TMEM135: variants seen among roughly 807,000 people sequenced by gnomAD.
TMEM135 encodes the protein transmembrane protein 135, also known as peroxisomal membrane protein 52.
Under a neutral mutation model 60.3 loss-of-function variants are expected in TMEM135, and 30 were observed. The ratio of observed to expected loss-of-function variants is 0.50; its 90% CI spans 0.37 to 0.68. TMEM135 has a LOEUF of 0.68. Ranked by LOEUF, TMEM135 falls within the 30% of genes least tolerant of loss-of-function variation. The probability of loss-of-function intolerance (pLI) is 0.00; values close to 1 mark genes in which losing one functional copy is unlikely to be tolerated. For missense variants in TMEM135, 468 were observed against 548.8 expected (o/e 0.85, Z 1.47); for synonymous variants, 190 against 186.7 (o/e 1.02, Z -0.14).
intron 5 of TMEM135, among the ~76,000 whole-genome samples, chr11:87,233,966 C>T (rs1940941268): frequency 6.6e-6 from 1 of 152,058 alleles, no homozygotes; most frequent in African/African-American, 2.4e-5. Flanking sequence ...TTGTGAAAGT[C>T]ACAACGATAA....
chr11:87,255,053 T>G (rs914938437), intron 6 of TMEM135, among the ~76,000 whole-genome samples: 1 of 152,154 alleles, frequency 6.6e-6, no homozygotes. Flanking sequence ...TGATTTAAAG[T>G]GGGGCTTTTC....
chr11:87,135,416 G>A (rs1304767692), intron 4 of TMEM135, among the ~76,000 whole-genome samples: 1 of 150,876 alleles, frequency 6.6e-6, no homozygotes, highest in Admixed American at 6.6e-5. Context: ...GTAAAGTATC[G>A]ATCACAGTTC....
chr11:87,154,048 C>G (rs1938628357), intron 4 of TMEM135, among the ~76,000 whole-genome samples: 1 of 152,130 alleles, frequency 6.6e-6, no homozygotes, highest in African/African-American at 2.4e-5. Flanking sequence ...TAAGTAAATT[C>G]ACATTGTTGT....
intron 1 of TMEM135, among the ~76,000 whole-genome samples, chr11:87,064,928 A>G (rs1390371449): frequency 6.6e-6 from 1 of 152,054 alleles, no homozygotes; most frequent in African/African-American, 2.4e-5. Context: ...ATGGAATCAT[A>G]CAGTATGTAG....
chr11:87,040,957 A>G (rs563884597), intron 1 of TMEM135, among the ~76,000 whole-genome samples: 1 of 152,242 alleles, frequency 6.6e-6, no homozygotes, highest in African/African-American at 2.4e-5. Flanking sequence ...CTATACAGAC[A>G]TTTATTCATG....
At chr11:87,258,164 C>T (rs11235050) in intron 6 of TMEM135, among the ~76,000 whole-genome samples, 53,451 of 149,916 alleles carry the variant, frequency 0.36, 10,013 homozygotes, top group Non-Finnish European at 0.42. Flanking sequence ...AATTATTTTA[C>T]TGTATTCTGT....
chr11:87,085,650 G>A (rs1018864814), intron 3 of TMEM135, among the ~76,000 whole-genome samples: 1 of 152,092 alleles, frequency 6.6e-6, no homozygotes, highest in Non-Finnish European at 1.5e-5. Context: ...CTGGCTACTC[G>A]GGAGGCTGGG....
intron 6 of TMEM135, among the ~76,000 whole-genome samples, chr11:87,276,504 T>TTATATA (rs143131982): frequency 1.3e-5 from 2 of 148,914 alleles, no homozygotes; most frequent in South Asian, 4.2e-4. Context: ...TATCAAAAGT[T>TTATATA]TATATATATA....
At chr11:87,195,316 T>C (rs1446295693) in intron 5 of TMEM135, among the ~76,000 whole-genome samples, 1 of 5,844 alleles carries the variant, frequency 1.7e-4, no homozygotes, top group South Asian at 5.0e-3. Context: ...TCTTTCTCTT[T>C]CCTTCCTTCC....
chr11:87,217,457 T>G (rs1245633549), intron 5 of TMEM135, among the ~76,000 whole-genome samples: 1 of 152,282 alleles, frequency 6.6e-6, no homozygotes, highest in African/African-American at 2.4e-5. Flanking sequence ...TAATGAGAAC[T>G]GACCAAAAAT....
In TMEM135 at chr11:87,328,698, G is replaced by A. The variant is rs1425291261; in HGVS notation, c.*7365G>A. On this transcript the variant is annotated 3_prime_UTR_variant, in exon 15 of 15. Transcript: ENST00000305494. ...TTCATCTTTTATTTTTTATGGCTGA[G>A]TAGTATTCCATGGTGCATATATACC... 21 of 453,894 alleles carry A rather than the reference G, an allele frequency of 4.6e-5. 1 individual carries two copies. Among genetic ancestry groups the A allele is most frequent in the South Asian group, 2.9e-4 (19 of 64,474 alleles). 28.1% of individuals were successfully genotyped at this position (453,894 alleles called of 1,614,324 possible). A position where few individuals can be genotyped will look rare whatever the true frequency, so the allele number is the denominator to read the frequency against.
At chr11:87,163,537 C>A (rs1938951129) in intron 5 of TMEM135, among the ~76,000 whole-genome samples, 1 of 152,008 alleles carries the variant, frequency 6.6e-6, no homozygotes, top group South Asian at 2.1e-4. Context: ...ATTTATAGTC[C>A]TTTGGGTATG....
At chr11:87,200,198 T>C (rs1459381033) in intron 5 of TMEM135, among the ~76,000 whole-genome samples, 7 of 152,152 alleles carry the variant, frequency 4.6e-5, no homozygotes, top group Non-Finnish European at 1.0e-4. Context: ...TTAATTTTAA[T>C]AGGAAATAGC....
intron 1 of TMEM135, among the ~76,000 whole-genome samples, chr11:87,046,879 G>C (rs2512485): frequency 0.33 from 49,651 of 152,074 alleles, 9,872 homozygotes; most frequent in East Asian, 0.59. Context: ...GATGGGAAGA[G>C]CATGGACTTG....
intron 4 of TMEM135, among the ~76,000 whole-genome samples, chr11:87,119,587 C>T: frequency 6.6e-6 from 1 of 152,224 alleles, no homozygotes; most frequent in South Asian, 2.1e-4. Flanking sequence ...CCTGTAATCC[C>T]AGCTACGCTA....
At chr11:87,098,684 CTT>C (rs1002862052) in intron 4 of TMEM135, among the ~76,000 whole-genome samples, 1 of 151,736 alleles carries the variant, frequency 6.6e-6, no homozygotes, top group Non-Finnish European at 1.5e-5. Context: ...AACAAAGTAT[CTT>C]ATATATATAT....
intron 9 of TMEM135, among the ~76,000 whole-genome samples, chr11:87,308,075 C>T (rs1177896663): frequency 2.0e-5 from 3 of 152,296 alleles, no homozygotes; most frequent in Non-Finnish European, 4.4e-5. Context: ...TCCTTCCTAA[C>T]ATTTATTATA....
At chr11:87,203,804 T>C (rs1312600214) in intron 5 of TMEM135, among the ~76,000 whole-genome samples, 1 of 152,328 alleles carries the variant, frequency 6.6e-6, no homozygotes, top group African/African-American at 2.4e-5. Flanking sequence ...AAAGTGGCTG[T>C]ACCATTTAGT....
chr11:87,328,696 G>A lies in TMEM135; in HGVS notation c.*7363G>A, dbSNP rs187332129. 3.0e-4 allele frequency: 135 copies of A among 454,014 alleles called. No individual in the cohort carries two copies. Among genetic ancestry groups the A allele is most frequent in the African/African-American group, 2.3e-3 (117 of 50,102 alleles). The allele number at this position is 454,014 out of a possible 1,614,324, so 28.1% of individuals were successfully genotyped here. On this transcript the variant is annotated 3_prime_UTR_variant, in exon 15 of 15. Transcript: ENST00000305494. ...ATTTCATCTTTTATTTTTTATGGCT[G>A]AGTAGTATTCCATGGTGCATATATA... is the stretch of plus-strand genomic sequence containing the variant.
Sources: gnomAD v4.1 joint callset for allele counts (sites outside exome capture counted in the v4.1 genomes callset) on GRCh38, gnomAD v4.1.1 for gene constraint, MANE v1.5 for transcripts, NCBI Gene and HGNC (gene_info 2026-07-23, HGNC 2026-07-21) for gene names.